MAF: variants seen among roughly 807,000 people sequenced by gnomAD.
MAF encodes transcription factor Maf.
Under a neutral mutation model 22.0 loss-of-function variants are expected in MAF, and 10 were observed. That is an observed-to-expected ratio of 0.45 (90% CI 0.28 to 0.77). The LOEUF (loss-of-function observed/expected upper bound fraction) is 0.77, where lower values mean the gene tolerates loss of function less well. Ranked by LOEUF, MAF falls within the 30% of genes least tolerant of loss-of-function variation. The pLI is 0.12. For synonymous variants in MAF, 337 were observed against 255.8 expected, an observed-to-expected ratio of 1.32 and a Z score of -3.03; for missense variants, 544 against 548.4, an observed-to-expected ratio of 0.99 and a Z score of 0.08.
At chr16:79,562,115 C>T in the MAF span, among the ~76,000 whole-genome samples, 1 of 152,172 alleles carries the variant, frequency 6.6e-6, no homozygotes, top group African/African-American at 2.4e-5. Flanking sequence ...TCCCTATTCC[C>T]TTAACTTCTC....
the MAF span, among the ~76,000 whole-genome samples, chr16:79,222,329 T>C: frequency 1.3e-5 from 2 of 152,142 alleles, no homozygotes; most frequent in Non-Finnish European, 2.9e-5. Flanking sequence ...CAAGAGCTCC[T>C]GAAGAAAGCA....
At chr16:79,370,525 T>G in the MAF span, among the ~76,000 whole-genome samples, 1 of 152,172 alleles carries the variant, frequency 6.6e-6, no homozygotes, top group Non-Finnish European at 1.5e-5. Flanking sequence ...TCTAAAGATA[T>G]GAGCATCTAT....
the MAF span, among the ~76,000 whole-genome samples, chr16:79,439,552 C>T: frequency 3.3e-5 from 5 of 152,118 alleles, no homozygotes; most frequent in African/African-American, 7.2e-5. Context: ...GAGCCACCAG[C>T]GCCTGGCCAG....
the MAF span, among the ~76,000 whole-genome samples, chr16:79,285,187 G>A: frequency 6.6e-6 from 1 of 152,020 alleles, no homozygotes; most frequent in Admixed American, 6.6e-5. Context: ...GCTCTCCCCA[G>A]CAGCTTTTAA....
chr16:79,557,658 C>T, the MAF span, among the ~76,000 whole-genome samples: 1 of 152,052 alleles, frequency 6.6e-6, no homozygotes, highest in Admixed American at 6.5e-5. Flanking sequence ...GTGGGATGAC[C>T]TGTGTCATAC....
the MAF span, among the ~76,000 whole-genome samples, chr16:79,339,158 C>T: frequency 6.6e-6 from 1 of 152,196 alleles, no homozygotes; most frequent in Non-Finnish European, 1.5e-5. Flanking sequence ...CAAGCTCCGC[C>T]TCCCGGGTTC....
the MAF span, among the ~76,000 whole-genome samples, chr16:79,274,724 C>G: frequency 3.9e-5 from 6 of 152,148 alleles, no homozygotes; most frequent in Admixed American, 6.5e-5. Flanking sequence ...CTACCCTCTG[C>G]CAAGTCAGGG....
the MAF span, among the ~76,000 whole-genome samples, chr16:79,491,666 T>C: frequency 6.6e-6 from 1 of 152,090 alleles, no homozygotes; most frequent in Non-Finnish European, 1.5e-5. Context: ...AAATAAAAAA[T>C]ATTCTGCTCC....
At chr16:79,358,976 T>G in the MAF span, among the ~76,000 whole-genome samples, 1 of 151,986 alleles carries the variant, frequency 6.6e-6, no homozygotes, top group Non-Finnish European at 1.5e-5. Flanking sequence ...AGATTTAGAG[T>G]GCCGGAATGA....
the MAF span, among the ~76,000 whole-genome samples, chr16:79,406,493 G>A: frequency 2.6e-5 from 4 of 152,096 alleles, no homozygotes; most frequent in African/African-American, 9.7e-5. Context: ...GTTCATAGAT[G>A]GTGCCTTCAA....
At chr16:79,405,282 T>C in the MAF span, among the ~76,000 whole-genome samples, 1 of 152,144 alleles carries the variant, frequency 6.6e-6, no homozygotes, top group African/African-American at 2.4e-5. Context: ...AGCAAGAGGT[T>C]CTGGGCACCT....
chr16:79,389,503 C>A, the MAF span, among the ~76,000 whole-genome samples: 1 of 152,194 alleles, frequency 6.6e-6, no homozygotes, highest in East Asian at 1.9e-4. Context: ...CTCAAGTGAT[C>A]CACCTGCCTC....
the MAF span, among the ~76,000 whole-genome samples, chr16:79,217,124 T>C: frequency 6.6e-6 from 1 of 152,252 alleles, no homozygotes; most frequent in Non-Finnish European, 1.5e-5. Flanking sequence ...CTGCTACTTC[T>C]AATTTCAGAT....
At chr16:79,445,105 C>T in the MAF span, among the ~76,000 whole-genome samples, 1 of 152,260 alleles carries the variant, frequency 6.6e-6, no homozygotes, top group South Asian at 2.1e-4. Context: ...ACAATCTCGG[C>T]TCACTGCAAG....
the MAF span, among the ~76,000 whole-genome samples, chr16:79,509,380 C>T: frequency 6.6e-6 from 1 of 152,256 alleles, no homozygotes; most frequent in African/African-American, 2.4e-5. Context: ...TCCCCACATC[C>T]AGTCCTGGGA....
chr16:79,318,698 T>G, the MAF span, among the ~76,000 whole-genome samples: 4 of 152,208 alleles, frequency 2.6e-5, no homozygotes, highest in Non-Finnish European at 5.9e-5. Context: ...GCATGACACA[T>G]CCTGTCACTT....
chr16:79,340,593 G>C, the MAF span, among the ~76,000 whole-genome samples: 1 of 151,762 alleles, frequency 6.6e-6, no homozygotes, highest in African/African-American at 2.4e-5. Context: ...ATTCTTTGTG[G>C]TGGGACATTT....
the MAF span, among the ~76,000 whole-genome samples, chr16:79,416,520 G>A: frequency 6.8e-6 from 1 of 146,986 alleles, no homozygotes; most frequent in South Asian, 2.1e-4. Flanking sequence ...AAAAGATCAG[G>A]CATTTACTGT....
At chr16:79,405,406 A>G in the MAF span, among the ~76,000 whole-genome samples, 1,314 of 152,344 alleles carry the variant, frequency 8.6e-3, 9 homozygotes, top group Non-Finnish European at 0.012. Flanking sequence ...CTGGAGAACA[A>G]CAGGCTGCAT....
Sources: gnomAD v4.1 joint callset for allele counts (sites outside exome capture counted in the v4.1 genomes callset) on GRCh38, gnomAD v4.1.1 for gene constraint, MANE v1.5 for transcripts, NCBI Gene and HGNC (gene_info 2026-07-23, HGNC 2026-07-21) for gene names.